Variants in THADA observed in about 807,000 individuals in gnomAD.
THADA encodes the protein THADA armadillo repeat containing, also known as tRNA (32-2'-O)-methyltransferase regulator THADA.
A neutral mutation model predicts 219.8 loss-of-function variants in THADA; 213 were observed. The observed-to-expected ratio is 0.97, with a 90% confidence interval of 0.87 to 1.09. THADA has a LOEUF of 1.09. THADA is among the 50% of genes least tolerant of loss of function. The pLI, the probability that THADA is intolerant of heterozygous loss-of-function variation, is 0.00. For synonymous variants in THADA, 1,018 were observed against 828.9 expected, an observed-to-expected ratio of 1.23 and a Z score of -3.92; for missense variants, 2,956 against 2,311.3, an observed-to-expected ratio of 1.28 and a Z score of -5.72.
intron 26 of THADA, among the ~76,000 whole-genome samples, chr2:43,450,252 T>C (rs1481824564): frequency 1.3e-5 from 2 of 152,166 alleles, no homozygotes; most frequent in African/African-American, 4.8e-5. Flanking sequence ...ACTTCATACT[T>C]TGTTTTCTAC....
chr2:43,573,711 G>A (rs934360231), intron 11 of THADA, among the ~76,000 whole-genome samples: 14 of 152,024 alleles, frequency 9.2e-5, no homozygotes, highest in African/African-American at 1.2e-4. Flanking sequence ...TATGCTGTAC[G>A]ATACTACATT....
rs564872464 is a variant in THADA at position 43,478,138 on chromosome 2, A to G, written c.3836+7096T>C. Among the ~76,000 whole-genome samples the G allele has an allele frequency of 3.3e-5, 5 of 152,324 alleles. No homozygotes were observed. The South Asian group carries it at 1.0e-3, about 32-fold the overall frequency. On this transcript the variant is annotated intron_variant, in intron 26 of 37. Coordinates refer to ENST00000405975, the MANE Select transcript of THADA (RefSeq NM_022065.5). The stretch of plus-strand genomic sequence containing the variant: ...TGAAATCTCAGACATGTTATAAACT[A>G]CTTTTGTATATACCAGGATGCCAAG...
chr2:43,377,756 G>C (rs1671545624), intron 29 of THADA, among the ~76,000 whole-genome samples: 1 of 152,076 alleles, frequency 6.6e-6, no homozygotes, highest in South Asian at 2.1e-4. Context: ...TCTATAGAAA[G>C]GGCCCTAAAA....
intron 36 of THADA, among the ~76,000 whole-genome samples, chr2:43,240,657 C>T (rs140107727): frequency 6.6e-6 from 1 of 152,272 alleles, no homozygotes; most frequent in East Asian, 1.9e-4. Context: ...ATCATTTCAA[C>T]CTTTACCACC....
In THADA at chr2:43,429,728, G is replaced by C. The variant is rs191259932; in HGVS notation, c.3926+485C>G. Among the ~76,000 whole-genome samples, 12 of 151,858 alleles carry C rather than the reference G, an allele frequency of 7.9e-5. No homozygotes were observed. In the East Asian group the frequency reaches 2.3e-3, roughly 29 times the overall value. The stretch of plus-strand genomic sequence containing the variant: ...TCTGTACCACCGAAAATGGAATTAA[G>C]TTTGATAAAATTTAACATAAAATAG... On this transcript the variant is annotated intron_variant, in intron 27 of 37. Coordinates refer to ENST00000405975, the MANE Select transcript of THADA (RefSeq NM_022065.5).
At chr2:43,326,051 G>A (rs1022500559) in intron 30 of THADA, among the ~76,000 whole-genome samples, 8 of 151,822 alleles carry the variant, frequency 5.3e-5, no homozygotes, top group East Asian at 3.9e-4. Context: ...TATATCTTAC[G>A]CAGCTACTAA....
chr2:43,406,575 A>C (rs1163304393), intron 28 of THADA, among the ~76,000 whole-genome samples: 1 of 152,260 alleles, frequency 6.6e-6, no homozygotes, highest in African/African-American at 2.4e-5. Context: ...TACCTTAGCA[A>C]TAATTCTTTC....
intron 28 of THADA, among the ~76,000 whole-genome samples, chr2:43,413,669 C>A (rs1287613671): frequency 6.6e-6 from 1 of 152,180 alleles, no homozygotes; most frequent in African/African-American, 2.4e-5. Flanking sequence ...GGTTCAGAGT[C>A]AATCATTTTC....
chr2:43,307,370 G>A (rs1192582220), intron 31 of THADA, among the ~76,000 whole-genome samples: 1 of 152,230 alleles, frequency 6.6e-6, no homozygotes, highest in Non-Finnish European at 1.5e-5. Flanking sequence ...GAGCTCTGGA[G>A]ATCTGTAGAC....
chr2:43,261,997 C>A (rs1028763994), intron 36 of THADA, among the ~76,000 whole-genome samples: 1 of 152,164 alleles, frequency 6.6e-6, no homozygotes, highest in East Asian at 1.9e-4. Context: ...GTCTTGAACT[C>A]CTGACCTCAG....
At chr2:43,484,120 G>C (rs1686594380) in intron 26 of THADA, among the ~76,000 whole-genome samples, 1 of 151,840 alleles carries the variant, frequency 6.6e-6, no homozygotes, top group South Asian at 2.1e-4. Flanking sequence ...AAGCTCTCTG[G>C]TATTGCCTGA....
chr2:43,436,551 A>C (rs1680141444), intron 26 of THADA, among the ~76,000 whole-genome samples: 1 of 152,204 alleles, frequency 6.6e-6, no homozygotes, highest in African/African-American at 2.4e-5. Flanking sequence ...ACCTGTCAAT[A>C]TCTCTGAATG....
At chr2:43,434,578 C>T (rs532573024) in intron 26 of THADA, among the ~76,000 whole-genome samples, 4 of 152,328 alleles carry the variant, frequency 2.6e-5, no homozygotes, top group African/African-American at 9.6e-5. Flanking sequence ...GGCAGGAATA[C>T]ACCAACAGGC....
At chr2:43,240,336 AG>A (rs779767555) in intron 36 of THADA, among the ~76,000 whole-genome samples, 1 of 152,154 alleles carries the variant, frequency 6.6e-6, no homozygotes, top group Non-Finnish European at 1.5e-5. Context: ...AAATACATTC[AG>A]GTTTCATGAG....
intron 20 of THADA, among the ~76,000 whole-genome samples, chr2:43,541,764 G>C (rs1695352861): frequency 6.6e-6 from 1 of 151,996 alleles, no homozygotes; most frequent in Non-Finnish European, 1.5e-5. Flanking sequence ...AAAGTGCTGG[G>C]ATTATAGACA....
At chr2:43,534,530 T>G (rs897186216) in intron 21 of THADA, among the ~76,000 whole-genome samples, 1 of 151,906 alleles carries the variant, frequency 6.6e-6, no homozygotes, top group African/African-American at 2.4e-5. Context: ...AATTTTTACT[T>G]CGAGTTCAAC....
rs1440911002 is a variant in THADA, at chr2:43,566,358, T to C, written c.2311+340A>G. On this transcript the variant is annotated intron_variant, in intron 15 of 37. Coordinates refer to ENST00000405975, the MANE Select transcript of THADA (RefSeq NM_022065.5). ...ATATTAAATATAATAGAAGCTATTA[T>C]TATTTCAAATTTTAAAACTTAAAGA... The C allele has an allele frequency of 1.8e-5, 11 of 601,970 alleles. No individual in the cohort carries two copies. The Admixed American group carries it at 3.3e-4, about 18-fold the overall frequency. 37.3% of individuals were successfully genotyped at this position (601,970 alleles called of 1,614,324 possible).
At chr2:43,551,342 T>C (rs79620095) in intron 19 of THADA, among the ~76,000 whole-genome samples, 2,661 of 152,276 alleles carry the variant, frequency 0.017, 154 homozygotes, top group East Asian at 0.13. Context: ...ACGTTCTCAA[T>C]TTATTTTTTT....
Position 43,279,841 on chromosome 2 carries a change from C to T in THADA, c.5220G>A (p.Glu1740=), listed in dbSNP as rs910228018. Residue 1740 remains glutamate (E), a synonymous_variant, in exon 36 of 38, where the codon GAG becomes GAA. Transcript: ENST00000405975. The stretch of plus-strand genomic sequence containing the variant: ...TGGCTGCATCTCTAACAGCTTGCTC[C>T]TCACTCTGCAGAAGGGTAAGGACAC... The part of the protein sequence containing the change: ...WKCVLTLLQS[E]EQAVRDAATE... 6.4e-7 allele frequency: 1 copy of T among 1,567,202 alleles called. No individual in the cohort carries two copies. Among genetic ancestry groups the T allele is most frequent in the African/African-American group, 1.4e-5 (1 of 73,988 alleles).
Sources: gnomAD v4.1 joint callset for allele counts (sites outside exome capture counted in the v4.1 genomes callset) on GRCh38, gnomAD v4.1.1 for gene constraint, MANE v1.5 for transcripts, NCBI Gene and HGNC (gene_info 2026-07-23, HGNC 2026-07-21) for gene names.